RGS10: variants seen among roughly 807,000 people sequenced by gnomAD.
RGS10 encodes regulator of G-protein signalling 10.
Under a neutral mutation model 23.5 loss-of-function variants are expected in RGS10, and 11 were observed. The ratio of observed to expected loss-of-function variants is 0.47; its 90% CI spans 0.29 to 0.77. The LOEUF is 0.77. Ranked by LOEUF, RGS10 falls within the 30% of genes least tolerant of loss-of-function variation. The pLI is 0.08. For synonymous variants in RGS10, 77 were observed against 83.2 expected, an observed-to-expected ratio of 0.92 and a Z score of 0.41; for missense variants, 180 against 226.3, an observed-to-expected ratio of 0.80 and a Z score of 1.31.
At chr10:119,526,358 T>C (rs1367321834) in intron 2 of RGS10, among the ~76,000 whole-genome samples, 2 of 152,226 alleles carry the variant, frequency 1.3e-5, no homozygotes, top group East Asian at 1.9e-4. Context: ...GAAGCAGGAA[T>C]GTACTCATAT....
chr10:119,530,143 A>AT (rs1179487890), intron 1 of RGS10, among the ~76,000 whole-genome samples: 1 of 152,136 alleles, frequency 6.6e-6, no homozygotes, highest in Non-Finnish European at 1.5e-5. Context: ...TAAATGATAT[A>AT]TTTTTTTAAA....
intron 4 of RGS10, among the ~76,000 whole-genome samples, chr10:119,503,521 G>A (rs1187577051): frequency 2.0e-5 from 3 of 152,176 alleles, no homozygotes; most frequent in Admixed American, 2.0e-4. Flanking sequence ...AGAGGCTGGG[G>A]AAATGAACCC....
At chr10:119,514,888 T>C (rs1220237364) in intron 4 of RGS10, among the ~76,000 whole-genome samples, 2 of 152,136 alleles carry the variant, frequency 1.3e-5, no homozygotes, top group Non-Finnish European at 2.9e-5. Context: ...TTCCACTCCC[T>C]TTCCCAGCGC....
chr10:119,542,446 A>C (rs79513065), intron 1 of RGS10, 144 bp downstream of exon 1: 10 of 597,038 alleles, frequency 1.7e-5, no homozygotes, highest in Middle Eastern at 5.1e-4. Flanking sequence ...TGCGGTACCC[A>C]GCGGGGAGAG....
In RGS10 at chr10:119,542,631, T is replaced by C; in HGVS notation, c.8A>G (p.Asn3Ser). 2 of 1,414,288 alleles carry C rather than the reference T, an allele frequency of 1.4e-6. No individual in the cohort carries two copies. Among genetic ancestry groups the C allele is most frequent in the Admixed American group, 2.6e-5 (1 of 38,120 alleles). The allele number at this position is 1,414,288 out of a possible 1,614,324, so 87.6% of individuals were successfully genotyped here. A position where few individuals can be genotyped will look rare whatever the true frequency, so the allele number is the denominator to read the frequency against. MFNRAVSRLSRKR... is the reference protein window; with the variant it reads MFSRAVSRLSRKR... ...CCTGCTCAGCCGGCTCACGGCGCGG[T>C]TGAACATCGCCGCGGGCGCCCGAGG... The change falls in exon 1 of 5, where the codon AAC becomes AGC. Residue 3 changes from asparagine (N) to serine (S), a missense_variant. By Grantham distance (46) the Asn-to-Ser change is conservative (BLOSUM62 1). Transcript: ENST00000369103.
Position 119,526,085 on chromosome 10 carries a change from C to G in RGS10, c.202G>C (p.Val68Leu), listed in dbSNP as rs778006351. 2 of 1,580,694 alleles carry G rather than the reference C, an allele frequency of 1.3e-6. No individual in the cohort carries two copies. Among genetic ancestry groups the G allele is most frequent in the African/African-American group, 2.7e-5 (2 of 73,974 alleles). Reference protein sequence around the residue: ...FLKKEFSEENVLFWLACEDFK... With the variant: ...FLKKEFSEENLLFWLACEDFK... ...TCTTCACATGCTAGCCAAAACAAAA[C>G]ATTTTCTTCACTGAATTCCTTTTTT... Residue 68 changes from valine to leucine, a missense_variant, in exon 3 of 5, where the codon GTT (valine) becomes CTT (leucine). Coordinates refer to ENST00000369103, the MANE Select transcript of RGS10 (RefSeq NM_001005339.2).
chr10:119,519,328 G>GTA (rs1844182869), intron 3 of RGS10, among the ~76,000 whole-genome samples: 1 of 141,454 alleles, frequency 7.1e-6, no homozygotes, highest in South Asian at 2.3e-4. Context: ...CTGTCTCCCT[G>GTA]TCTGTCCCCA....
rs2991787 is a variant in RGS10 at position 119,520,359 on chromosome 10, G to A, written c.256-4707C>T. Reference sequence around the variant, plus strand: ...TGGGGAGGGGGTGCCAACGAGAAGCGCGTCCGGAGACGGCAGGAGCTCGAG... The same window carrying A: ...TGGGGAGGGGGTGCCAACGAGAAGCACGTCCGGAGACGGCAGGAGCTCGAG... On this transcript the variant is annotated intron_variant, in intron 3 of 4. Transcript: ENST00000369103. Among the ~76,000 whole-genome samples, 278 of 152,264 alleles carry A rather than the reference G, an allele frequency of 1.8e-3. 2 individuals carry two copies. The highest frequency in any genetic ancestry group is 6.1e-3 in the African/African-American group (254 of 41,532).
At chr10:119,520,332 G>A (rs1328303470) in intron 3 of RGS10, among the ~76,000 whole-genome samples, 2 of 152,214 alleles carry the variant, frequency 1.3e-5, no homozygotes, top group African/African-American at 4.8e-5. Flanking sequence ...CCCCTGAACA[G>A]GTGGGGAGGG....
Position 119,527,345 on chromosome 10 carries a change from C to A in RGS10, c.129G>T (p.Glu43Asp), listed in dbSNP as rs140063580. ...CGCCTTCTGGGTCTTCCAGCAGATTCTCCAGGGATGCCGCCCATTTGGCTG... is the reference window on the plus strand; with the variant it reads ...CGCCTTCTGGGTCTTCCAGCAGATTATCCAGGGATGCCGCCCATTTGGCTG... ...KSTAKWAASLENLLEDPEGVK... is the reference protein window; with the variant it reads ...KSTAKWAASLDNLLEDPEGVK... Residue 43 changes from glutamate to aspartate, a missense_variant, in exon 2 of 5, where the codon GAG becomes GAT. By Grantham distance (45) the Glu-to-Asp change is conservative. Transcript: ENST00000369103. The surrounding 1 kb of genome is among the most constrained non-coding windows in gnomAD (Gnocchi z 4.2). 1 of 1,614,198 alleles carries A rather than the reference C, an allele frequency of 6.2e-7. No homozygotes were observed. Among genetic ancestry groups the A allele is most frequent in the Non-Finnish European group, 8.5e-7 (1 of 1,180,026 alleles).
At chr10:119,525,966 C>T in intron 3 of RGS10, 66 bp downstream of exon 3, 1 of 843,828 alleles carries the variant, frequency 1.2e-6, no homozygotes, top group Non-Finnish European at 1.9e-6. Flanking sequence ...TAGGCAACTT[C>T]AGAATCTATT....
At chr10:119,539,276 CA>C (rs534951734) in intron 1 of RGS10, among the ~76,000 whole-genome samples, 7 of 152,234 alleles carry the variant, frequency 4.6e-5, no homozygotes, top group Non-Finnish European at 8.8e-5. Flanking sequence ...AATTGCTGTG[CA>C]AACTGTCATC....
At chr10:119,513,384 C>T (rs898830894) in intron 4 of RGS10, among the ~76,000 whole-genome samples, 12 of 152,068 alleles carry the variant, frequency 7.9e-5, no homozygotes, top group Admixed American at 5.9e-4. Context: ...CACTTGAGCC[C>T]GGGAGGCCAA....
chr10:119,536,586 G>T (rs1844391649), intron 1 of RGS10: 1 of 1,344,790 alleles, frequency 7.4e-7, no homozygotes, highest in Admixed American at 2.4e-5. Flanking sequence ...TGGGTCCGAA[G>T]AAAAAACAAG....
intron 3 of RGS10, among the ~76,000 whole-genome samples, chr10:119,521,545 G>A (rs1217431917): frequency 6.7e-6 from 1 of 148,248 alleles, no homozygotes; most frequent in African/African-American, 2.5e-5. Context: ...ACTCCAGCCT[G>A]GGCAACAAGA....
In RGS10 at chr10:119,532,279, C is replaced by T. The variant is rs568128540; in HGVS notation, c.50-4855G>A. ...TTTGCAAACTCCACTCACCCAGTGGCATCTCTCTTTTCCAAGTCACTATCC... is the reference window on the plus strand; with the variant it reads ...TTTGCAAACTCCACTCACCCAGTGGTATCTCTCTTTTCCAAGTCACTATCC... On this transcript the variant is annotated intron_variant, in intron 1 of 4. Coordinates refer to ENST00000369103, the MANE Select transcript of RGS10 (RefSeq NM_001005339.2). Among the ~76,000 whole-genome samples the T allele has an allele frequency of 2.0e-4, 30 of 152,254 alleles. No individual in the cohort carries two copies. The East Asian group carries it at 5.6e-3, about 28-fold the overall frequency.
chr10:119,537,236 G>A (rs1388216806), intron 1 of RGS10, among the ~76,000 whole-genome samples: 1 of 152,082 alleles, frequency 6.6e-6, no homozygotes, highest in East Asian at 1.9e-4. Flanking sequence ...TACAAAATTA[G>A]CCAGGCGTGG....
intron 3 of RGS10, 71 bp from the exon 4 acceptor site, chr10:119,515,723 T>G (rs367581797): frequency 6.3e-7 from 1 of 1,576,088 alleles, no homozygotes. Context: ...TGCTCTCCCC[T>G]CCAGCCAGGC....
intron 1 of RGS10, among the ~76,000 whole-genome samples, chr10:119,539,502 T>C (rs1019825117): frequency 6.6e-6 from 1 of 152,064 alleles, no homozygotes; most frequent in East Asian, 1.9e-4. Context: ...CAATGCAAGG[T>C]TGATAACTGG....
Sources: gnomAD v4.1 joint callset for allele counts (sites outside exome capture counted in the v4.1 genomes callset) on GRCh38, gnomAD v4.1.1 for gene constraint, Gnocchi (gnomAD v3.1) non-coding constraint, MANE v1.5 for transcripts, NCBI Gene and HGNC (gene_info 2026-07-23, HGNC 2026-07-21) for gene names.